MMP16: variants seen among roughly 807,000 people sequenced by gnomAD.
MMP16 encodes matrix metallopeptidase 16.
In MMP16, 12 loss-of-function variants were observed where a neutral mutation model predicts 67.8. The observed-to-expected ratio is 0.18, with a 90% CI of 0.11 to 0.29. The LOEUF (loss-of-function observed/expected upper bound fraction) is 0.29, where lower values mean the gene tolerates loss of function less well. Ranked by LOEUF, MMP16 falls within the 10% of genes least tolerant of loss-of-function variation. The pLI is 1.00. For synonymous variants in MMP16, 249 were observed against 255.9 expected (o/e 0.97, Z 0.26); for missense variants, 475 against 765.7 (o/e 0.62, Z 4.48).
intron 1 of MMP16, among the ~76,000 whole-genome samples, chr8:88,307,997 G>A (rs1272580997): frequency 6.6e-6 from 1 of 152,054 alleles, no homozygotes; most frequent in Admixed American, 6.6e-5. Context: ...CTACTGAAGG[G>A]AAGAAGCAGA....
chr8:88,264,252 T>A (rs1431065231), intron 1 of MMP16, among the ~76,000 whole-genome samples: 1 of 152,098 alleles, frequency 6.6e-6, no homozygotes, highest in Non-Finnish European at 1.5e-5. Context: ...CAGACTGAAG[T>A]ACAGTGGCAC....
chr8:88,185,710 A>G (rs954060470), intron 3 of MMP16, among the ~76,000 whole-genome samples: 2 of 152,074 alleles, frequency 1.3e-5, no homozygotes, highest in African/African-American at 2.4e-5. Context: ...TATGGGTCTT[A>G]GTTGAAAAGC....
intron 4 of MMP16, among the ~76,000 whole-genome samples, chr8:88,120,862 T>A (rs1311611466): frequency 6.6e-6 from 1 of 151,718 alleles, no homozygotes; most frequent in Non-Finnish European, 1.5e-5. Context: ...AAAAAAAAAA[T>A]TCCAAACTTC....
At chr8:88,221,101 G>T (rs575648981) in intron 1 of MMP16, among the ~76,000 whole-genome samples, 1 of 152,078 alleles carries the variant, frequency 6.6e-6, no homozygotes, top group Non-Finnish European at 1.5e-5. Flanking sequence ...AGAGCTGGGG[G>T]CTAAGGCACA....
At chr8:88,081,421 A>G (rs751776367) in intron 6 of MMP16, among the ~76,000 whole-genome samples, 2 of 152,146 alleles carry the variant, frequency 1.3e-5, no homozygotes, top group Non-Finnish European at 2.9e-5. Flanking sequence ...GTTAGACTCT[A>G]TATCTCCCAA....
intron 6 of MMP16, among the ~76,000 whole-genome samples, chr8:88,076,200 C>T (rs1449137409): frequency 6.6e-6 from 1 of 152,110 alleles, no homozygotes; most frequent in Admixed American, 6.6e-5. Flanking sequence ...TGTCGCCTAA[C>T]AACTGTGTCA....
intron 6 of MMP16, among the ~76,000 whole-genome samples, chr8:88,113,423 T>C (rs780759154): frequency 1.3e-5 from 2 of 151,714 alleles, no homozygotes; most frequent in Non-Finnish European, 2.9e-5. Context: ...GTGTAGAGTT[T>C]GTAATAAACG....
At position 88,167,778 on chromosome 8, in the gene MMP16, A is replaced by G. The variant is rs750032478; in HGVS notation, c.600T>C (p.Asp200=). 4 of 1,613,920 alleles carry G rather than the reference A, an allele frequency of 2.5e-6. No homozygotes were observed. In the Admixed American group the frequency reaches 6.7e-5, roughly 27 times the overall value. Residue 200 remains aspartate, a synonymous_variant, in exon 4 of 10, where the codon GAT becomes GAC. Coordinates refer to ENST00000286614, the MANE Select transcript of MMP16 (RefSeq NM_005941.5). The stretch of plus-strand genomic sequence containing the variant: ...CATGTGCCAAAAATCCTCCCTCTCC[A>G]TCAAAGGGAGAGCTGTCCCCATGGA... ...SGFHGDSSPF[D]GEGGFLAHAY...
chr8:88,241,419 G>A (rs1182052848), intron 1 of MMP16, among the ~76,000 whole-genome samples: 1 of 152,010 alleles, frequency 6.6e-6, no homozygotes, highest in Non-Finnish European at 1.5e-5. Flanking sequence ...CAGCAAATCA[G>A]TTTTTAAAAA....
rs551327681 is a variant in MMP16, at chr8:88,040,027, C to A, written c.*1434G>T. 2.6e-5 allele frequency: 4 copies of A among 152,664 alleles called. No homozygotes were observed. Among genetic ancestry groups the A allele is most frequent in the African/African-American group, 9.6e-5 (4 of 41,548 alleles). 9.5% of individuals were successfully genotyped at this position (152,664 alleles called of 1,614,324 possible). ...AATGCACTGGAGGATATTCATGCAA[C>A]TTCAGAGTCACCGTTTTAATTCATT... On this transcript the variant is annotated 3_prime_UTR_variant, in exon 10 of 10. Coordinates refer to ENST00000286614, the MANE Select transcript of MMP16 (RefSeq NM_005941.5).
chr8:88,203,105 T>TTC (rs35463629), intron 1 of MMP16, among the ~76,000 whole-genome samples: 99 of 1,608 alleles, frequency 0.062, no homozygotes, highest in Non-Finnish European at 0.1. Flanking sequence ...CCAGAACTTC[T>TTC]TTTTTTTTTT....
intron 8 of MMP16, among the ~76,000 whole-genome samples, chr8:88,050,142 C>A (rs559447318): frequency 3.3e-5 from 5 of 152,052 alleles, no homozygotes; most frequent in Admixed American, 6.6e-5. Flanking sequence ...GCCAACATGG[C>A]GAAACTCCGT....
chr8:88,121,515 A>G (rs966709756), intron 4 of MMP16, among the ~76,000 whole-genome samples: 2 of 152,048 alleles, frequency 1.3e-5, no homozygotes, highest in Non-Finnish European at 2.9e-5. Flanking sequence ...CAAGCTTCAG[A>G]CAATTAAAAT....
intron 8 of MMP16, among the ~76,000 whole-genome samples, chr8:88,051,621 A>G (rs920779562): frequency 2.0e-5 from 3 of 152,192 alleles, no homozygotes; most frequent in Admixed American, 2.0e-4. Flanking sequence ...GAACGACTCA[A>G]AAACATATAC....
At chr8:88,074,864 C>A in intron 6 of MMP16, 121 bp from the exon 7 acceptor site, 1 of 1,280,728 alleles carries the variant, frequency 7.8e-7, no homozygotes, top group Non-Finnish European at 1.1e-6. Flanking sequence ...TACATTAAAT[C>A]AGTCAGAGAA....
intron 3 of MMP16, among the ~76,000 whole-genome samples, chr8:88,182,634 C>A (rs1808999733): frequency 1.3e-5 from 2 of 152,098 alleles, no homozygotes; most frequent in South Asian, 4.1e-4. Flanking sequence ...ATAACCATGT[C>A]AGAAGACAGT....
chr8:88,245,596 G>A (rs940049349), intron 1 of MMP16, among the ~76,000 whole-genome samples: 1 of 152,090 alleles, frequency 6.6e-6, no homozygotes, highest in Non-Finnish European at 1.5e-5. Context: ...TGTATGAGAC[G>A]GAGAAAGACC....
chr8:88,112,285 A>G (rs1809350223), intron 6 of MMP16, among the ~76,000 whole-genome samples: 1 of 151,480 alleles, frequency 6.6e-6, no homozygotes, highest in Non-Finnish European at 1.5e-5. Flanking sequence ...ATATGCATTC[A>G]TTCATACATA....
At chr8:88,126,399 T>A (rs1807931365) in intron 4 of MMP16, among the ~76,000 whole-genome samples, 1 of 151,898 alleles carries the variant, frequency 6.6e-6, no homozygotes, top group Non-Finnish European at 1.5e-5. Context: ...AAAGTGATTA[T>A]GGAATTATTT....
Sources: gnomAD v4.1 joint callset for allele counts (sites outside exome capture counted in the v4.1 genomes callset) on GRCh38, gnomAD v4.1.1 for gene constraint, MANE v1.5 for transcripts, NCBI Gene and HGNC (gene_info 2026-07-23, HGNC 2026-07-21) for gene names.